The following RAB8B variants were observed in gnomAD, a reference collection of about 807,000 sequenced individuals.
RAB8B encodes the protein RAB8B, member RAS oncogene family, also known as ras-related protein Rab-8B.
RAB8B carries 11 observed loss-of-function variants against 32.0 expected under a neutral mutation model. That is an observed-to-expected ratio of 0.34 (90% CI 0.22 to 0.57). The LOEUF is 0.57. RAB8B is among the 20% of genes least tolerant of loss of function. RAB8B has a pLI of 0.86. For synonymous variants in RAB8B, 103 were observed against 89.6 expected, an observed-to-expected ratio of 1.15 and a Z score of -0.85; for missense variants, 190 against 258.5, an observed-to-expected ratio of 0.73 and a Z score of 1.82.
chr15:63,212,262 A>G (rs967165742), intron 1 of RAB8B, among the ~76,000 whole-genome samples: 1 of 152,218 alleles, frequency 6.6e-6, no homozygotes, highest in Non-Finnish European at 1.5e-5. Flanking sequence ...CGAAAACTTG[A>G]TATCCAGGTT....
At chr15:63,195,995 A>AAGC (rs2037596897) in intron 1 of RAB8B, among the ~76,000 whole-genome samples, 1 of 152,180 alleles carries the variant, frequency 6.6e-6, no homozygotes, top group South Asian at 2.1e-4. Context: ...CCAGAATGGG[A>AAGC]AGCAGCAGGG....
chr15:63,221,120 A>G (rs1292385125), intron 1 of RAB8B, among the ~76,000 whole-genome samples: 2 of 152,190 alleles, frequency 1.3e-5, no homozygotes, highest in East Asian at 3.8e-4. Context: ...AGGATGGAGA[A>G]TGTTCCAGAC....
intron 1 of RAB8B, among the ~76,000 whole-genome samples, chr15:63,233,804 T>G (rs1383574387): frequency 6.6e-6 from 1 of 151,050 alleles, no homozygotes; most frequent in South Asian, 2.1e-4. Flanking sequence ...CAAAGTCCTG[T>G]TTTTTTTTCC....
At chr15:63,230,321 G>C (rs1392546295) in intron 1 of RAB8B, among the ~76,000 whole-genome samples, 1 of 152,098 alleles carries the variant, frequency 6.6e-6, no homozygotes, top group Non-Finnish European at 1.5e-5. Context: ...TTGTTGCTGA[G>C]ACAGAGTCTT....
chr15:63,256,798 T>C (rs1567021385), intron 5 of RAB8B, among the ~76,000 whole-genome samples: 1 of 152,252 alleles, frequency 6.6e-6, no homozygotes, highest in Non-Finnish European at 1.5e-5. Context: ...TGGTCATGAC[T>C]CATTCCTAAA....
At chr15:63,235,686 T>C (rs1042238594) in intron 1 of RAB8B, among the ~76,000 whole-genome samples, 2 of 150,344 alleles carry the variant, frequency 1.3e-5, no homozygotes, top group Admixed American at 1.3e-4. Flanking sequence ...ATATATATTT[T>C]ATATATATGA....
At chr15:63,236,680 G>A (rs1466073791) in intron 1 of RAB8B, among the ~76,000 whole-genome samples, 1 of 152,096 alleles carries the variant, frequency 6.6e-6, no homozygotes, top group Non-Finnish European at 1.5e-5. Flanking sequence ...TTTGATACAG[G>A]CATGCAATGA....
intron 1 of RAB8B, among the ~76,000 whole-genome samples, chr15:63,215,119 A>G (rs2037781672): frequency 6.6e-6 from 1 of 152,226 alleles, no homozygotes; most frequent in South Asian, 2.1e-4. Context: ...AGCTGAAGAC[A>G]TCACTCTTGA....
At chr15:63,196,005 G>A (rs2037596969) in intron 1 of RAB8B, among the ~76,000 whole-genome samples, 1 of 152,222 alleles carries the variant, frequency 6.6e-6, no homozygotes, top group Admixed American at 6.5e-5. Flanking sequence ...AAGCAGCAGG[G>A]TGTGATGTGG....
chr15:63,261,909 T>A (rs1486573030), intron 6 of RAB8B, among the ~76,000 whole-genome samples: 3 of 152,202 alleles, frequency 2.0e-5, no homozygotes. Flanking sequence ...CAAGAGACAT[T>A]ATGGATAAAT....
intron 1 of RAB8B, among the ~76,000 whole-genome samples, chr15:63,240,375 C>T (rs764205008): frequency 3.9e-5 from 6 of 152,134 alleles, no homozygotes; most frequent in Non-Finnish European, 8.8e-5. Context: ...TCCCAGAGCA[C>T]GTTCACACAC....
intron 3 of RAB8B, among the ~76,000 whole-genome samples, chr15:63,252,251 A>AT (rs1187090734): frequency 6.6e-6 from 1 of 152,162 alleles, no homozygotes; most frequent in Non-Finnish European, 1.5e-5. Flanking sequence ...ATATAAATTA[A>AT]TAATAGCTGC....
chr15:63,201,834 G>A (rs1006285081), intron 1 of RAB8B, among the ~76,000 whole-genome samples: 1 of 152,010 alleles, frequency 6.6e-6, no homozygotes, highest in African/African-American at 2.4e-5. Flanking sequence ...CGTGAGCCTC[G>A]CACTTCAGTT....
rs761951855 is a variant in RAB8B at position 63,263,603 on chromosome 15, G to A, written c.608G>A (p.Arg203His). Reference sequence around the variant, plus strand: ...CGATCAAAGAAGACCAGTTTCTTTCGTTGCTCGCTACTTTGATGAACTCTT... The same window carrying A: ...CGATCAAAGAAGACCAGTTTCTTTCATTGCTCGCTACTTTGATGAACTCTT... ...ENRSKKTSFFRCSLL is the reference protein window; with the variant it reads ...ENRSKKTSFFHCSLL The change falls in exon 8 of 8, where the codon CGT becomes CAT. Residue 203 changes from arginine to histidine, a missense_variant. Coordinates refer to ENST00000321437, the MANE Select transcript of RAB8B (RefSeq NM_016530.3). 129 of 1,608,360 alleles carry A rather than the reference G, an allele frequency of 8.0e-5. 1 individual carries two copies. Among genetic ancestry groups the A allele is most frequent in the Non-Finnish European group, 9.7e-5 (114 of 1,174,942 alleles).
intron 3 of RAB8B, among the ~76,000 whole-genome samples, chr15:63,250,820 A>G (rs1206445643): frequency 4.7e-5 from 7 of 149,762 alleles, no homozygotes; most frequent in African/African-American, 1.2e-4. Flanking sequence ...GAGGTCATGA[A>G]CCCCAACCTG....
chr15:63,205,373 C>G (rs1175193751), intron 1 of RAB8B, among the ~76,000 whole-genome samples: 7 of 152,068 alleles, frequency 4.6e-5, no homozygotes, highest in Non-Finnish European at 1.5e-5. Context: ...GATCATGCGC[C>G]TGTAGTCCCA....
At chr15:63,245,129 T>C (rs1024544503) in intron 2 of RAB8B, among the ~76,000 whole-genome samples, 2 of 152,186 alleles carry the variant, frequency 1.3e-5, no homozygotes, top group African/African-American at 4.8e-5. Flanking sequence ...TTGTTGTAGT[T>C]TTGAAATCTG....
intron 1 of RAB8B, among the ~76,000 whole-genome samples, chr15:63,221,643 C>T (rs1203829941): frequency 2.0e-5 from 3 of 152,132 alleles, no homozygotes; most frequent in South Asian, 2.1e-4. Flanking sequence ...TCATCTCCAC[C>T]GCTAGCTGGG....
At chr15:63,225,099 G>A (rs753120674) in intron 1 of RAB8B, among the ~76,000 whole-genome samples, 1 of 152,186 alleles carries the variant, frequency 6.6e-6, no homozygotes, top group East Asian at 1.9e-4. Flanking sequence ...CGTCTTTAAC[G>A]TAATATCATC....
Sources: allele counts gnomAD v4.1 joint callset (sites outside exome capture counted in the v4.1 genomes callset), GRCh38; gene constraint gnomAD v4.1.1; transcripts MANE v1.5; gene names NCBI Gene and HGNC (gene_info 2026-07-23, HGNC 2026-07-21).